UTP25: variants seen among roughly 807,000 people sequenced by gnomAD.
UTP25 encodes UTP25 small subunit processome component, also known as U3 small nucleolar RNA-associated protein 25 homolog.
In UTP25, 50 loss-of-function variants were observed where a neutral mutation model predicts 78.9. The ratio of observed to expected loss-of-function variants is 0.63; its 90% CI spans 0.50 to 0.80. UTP25 has a LOEUF of 0.80. UTP25 is among the 30% of genes least tolerant of loss of function. The pLI is 0.00. For synonymous variants in UTP25, 329 were observed against 336.5 expected (o/e 0.98, Z 0.24); for missense variants, 846 against 911.3 (o/e 0.93, Z 0.92).
At chr1:209,828,228 C>G in intron 1 of UTP25, 58 bp downstream of exon 1, 1 of 1,324,930 alleles carries the variant, frequency 7.5e-7, no homozygotes, top group African/African-American at 1.4e-5. Flanking sequence ...CGAGTTTGGT[C>G]CTCTGGTCTC....
intron 3 of UTP25, among the ~76,000 whole-genome samples, chr1:209,832,069 AT>A (rs1285112087): frequency 6.6e-6 from 1 of 151,730 alleles, no homozygotes; most frequent in East Asian, 1.9e-4. Context: ...ATAAAAATTC[AT>A]TGACTTACAC....
chr1:209,843,479 C>T lies in UTP25; in HGVS notation c.1810C>T (p.Pro604Ser). ...RFNFFVNKIL[P>S]QYRDAVMSHT... ...TAACTTTTTTGTGAACAAGATTTTG[C>T]CACAGTATCGTGATGCAGTCATGTC... The change falls in exon 11 of 12, where the codon CCA becomes TCA. Residue 604 changes from proline (P) to serine (S), a missense_variant. Transcript: ENST00000491415. 2 of 1,614,038 alleles carry T rather than the reference C, an allele frequency of 1.2e-6. No homozygotes were observed. Among genetic ancestry groups the T allele is most frequent in the Non-Finnish European group, 1.7e-6 (2 of 1,179,950 alleles).
At position 209,857,031 on chromosome 1, in the gene UTP25, C is replaced by T. The variant is rs1472549252; in HGVS notation, c.*5584C>T. ...AGGAAATAAGTCAGAATCCCCAATT[C>T]GATAGAAACTTACAGGTCTTGTGAT... On this transcript the variant is annotated 3_prime_UTR_variant, in exon 12 of 12. Coordinates refer to ENST00000491415, the MANE Select transcript of UTP25 (RefSeq NM_014388.7). 1.3e-5 allele frequency: 2 copies of T among 152,140 alleles called. No homozygotes were observed. Among genetic ancestry groups the T allele is most frequent in the Admixed American group, 6.5e-5 (1 of 15,276 alleles). The allele number at this position is 152,140 out of a possible 1,614,324, so 9.4% of individuals were successfully genotyped here.
chr1:209,833,702 T>C (rs1572000780), intron 4 of UTP25, among the ~76,000 whole-genome samples: 1 of 152,052 alleles, frequency 6.6e-6, no homozygotes, highest in East Asian at 1.9e-4. Context: ...TCACTTGCTG[T>C]TCCTTTTTGG....
rs953260218 is a variant in UTP25, at chr1:209,856,812, A to G, written c.*5365A>G. The G allele has an allele frequency of 1.3e-5, 2 of 152,250 alleles. No individual in the cohort carries two copies. The highest frequency in any genetic ancestry group is 2.9e-5 in the Non-Finnish European group (2 of 68,048). The allele number at this position is 152,250 out of a possible 1,614,324, so 9.4% of individuals were successfully genotyped here. On this transcript the variant is annotated 3_prime_UTR_variant, in exon 12 of 12. Transcript: ENST00000491415. ...GAGTGGGCACTCACATGTCTCTGCTAGCAGTTCTGACGTGTCCATTCCACA... is the reference window on the plus strand; with the variant it reads ...GAGTGGGCACTCACATGTCTCTGCTGGCAGTTCTGACGTGTCCATTCCACA...
rs2102574162 is a variant in UTP25, at chr1:209,839,013, A to G, written c.1167A>G (p.Lys389=). 3 of 1,614,124 alleles carry G rather than the reference A, an allele frequency of 1.9e-6. No individual in the cohort carries two copies. The highest frequency in any genetic ancestry group is 2.5e-6 in the Non-Finnish European group (3 of 1,179,984). Residue 389 remains lysine, a synonymous_variant, in exon 7 of 12, where the codon AAA becomes AAG. Coordinates refer to ENST00000491415, the MANE Select transcript of UTP25 (RefSeq NM_014388.7). ...DSKKKIIVSN[K]KRFQGEYGSD... ...AGAAGAAAATCATTGTGAGCAACAA[A>G]AAGAGGTTTCAGGGAGAATATGGAT...
chr1:209,851,546 A>T lies in UTP25; in HGVS notation c.*99A>T. ...GATTACTTACAGAAGAAGGACTGAT[A>T]CAAAGAAAGTGCATGAGGCAATGTC... On this transcript the variant is annotated 3_prime_UTR_variant, in exon 12 of 12. Coordinates refer to ENST00000491415, the MANE Select transcript of UTP25 (RefSeq NM_014388.7). The T allele has an allele frequency of 7.0e-7, 1 of 1,437,390 alleles. No homozygotes were observed. The highest frequency in any genetic ancestry group is 9.3e-7 in the Non-Finnish European group (1 of 1,071,126). 89.0% of individuals were successfully genotyped at this position (1,437,390 alleles called of 1,614,324 possible).
chr1:209,836,473 G>A (rs1395142232), intron 5 of UTP25, among the ~76,000 whole-genome samples: 1 of 152,200 alleles, frequency 6.6e-6, no homozygotes, highest in African/African-American at 2.4e-5. Context: ...TTTCTAGAAT[G>A]AATGTTGACT....
Position 209,843,326 on chromosome 1 carries a change from T to G in UTP25, c.1782-125T>G. On this transcript the variant is annotated intron_variant, in intron 10 of 11. Coordinates refer to ENST00000491415, the MANE Select transcript of UTP25 (RefSeq NM_014388.7). ...CATAATCTCTTTGAGAGGAGGTAAA[T>G]CATATTGGCCTCTGGGGAGGTAATC... is the stretch of plus-strand genomic sequence containing the variant. The G allele has an allele frequency of 4.3e-6, 5 of 1,154,316 alleles. No homozygotes were observed. In the South Asian group the frequency reaches 8.0e-5, roughly 18 times the overall value. 71.5% of individuals were successfully genotyped at this position (1,154,316 alleles called of 1,614,324 possible).
intron 5 of UTP25, among the ~76,000 whole-genome samples, chr1:209,835,376 T>C (rs895094661): frequency 2.0e-5 from 3 of 152,166 alleles, no homozygotes; most frequent in East Asian, 3.8e-4. Context: ...TGCCAGATAA[T>C]ATAATGATGG....
intron 11 of UTP25, among the ~76,000 whole-genome samples, chr1:209,845,863 C>G (rs1432757820): frequency 9.0e-6 from 1 of 111,500 alleles, no homozygotes; most frequent in South Asian, 2.7e-4. Flanking sequence ...TTTTCTTTTT[C>G]TTTTTTTTTT....
chr1:209,831,283 T>C (rs577235524), intron 3 of UTP25, among the ~76,000 whole-genome samples: 4 of 152,220 alleles, frequency 2.6e-5, no homozygotes, highest in African/African-American at 9.6e-5. Flanking sequence ...TCAGTACTAG[T>C]GAAAGACCTC....
rs763324038 is a variant in UTP25, at chr1:209,840,960, GAGA to G, written c.1397_1399del (p.Lys466del). ...GAGGACCATCATTGGTGGAGAAGGA[GAGA>G]AGAAGAGAGATTTTGACTTTCTGTC... is the stretch of plus-strand genomic sequence containing the variant. On this transcript the variant is annotated inframe_deletion, in exon 8 of 12. Coordinates refer to ENST00000491415, the MANE Select transcript of UTP25 (RefSeq NM_014388.7). The G allele has an allele frequency of 3.7e-6, 6 of 1,614,078 alleles. No individual in the cohort carries two copies. In the African/African-American group the frequency reaches 4.0e-5, roughly 11 times the overall value.
chr1:209,828,459 G>C (rs1414944336), intron 1 of UTP25, among the ~76,000 whole-genome samples: 1 of 149,572 alleles, frequency 6.7e-6, no homozygotes, highest in Non-Finnish European at 1.5e-5. Flanking sequence ...GAGTGCAATG[G>C]CGCGATCTTG....
intron 8 of UTP25, 112 bp downstream of exon 8, chr1:209,841,167 G>C: frequency 8.8e-7 from 1 of 1,135,192 alleles, no homozygotes; most frequent in South Asian, 1.5e-5. Context: ...ACTCTTGTTT[G>C]GAAGCAAGGA....
Position 209,842,348 on chromosome 1 carries a change from T to G in UTP25, c.1569T>G (p.Asn523Lys). The G allele has an allele frequency of 1.2e-6, 2 of 1,614,150 alleles. No individual in the cohort carries two copies. The highest frequency in any genetic ancestry group is 1.7e-6 in the Non-Finnish European group (2 of 1,179,988). ...GAGTGCGGATGTGGAGCCTCAATAA[T>G]TGGTCCAAGTACTATCGCCAGACAC... ...FSRVRMWSLNNWSKYYRQTLL... is the reference protein window; with the variant it reads ...FSRVRMWSLNKWSKYYRQTLL... Residue 523 changes from asparagine to lysine, a missense_variant, in exon 9 of 12, where the codon AAT becomes AAG. Coordinates refer to ENST00000491415, the MANE Select transcript of UTP25 (RefSeq NM_014388.7).
intron 6 of UTP25, among the ~76,000 whole-genome samples, chr1:209,838,224 G>A (rs1352959490): frequency 4.1e-4 from 62 of 152,126 alleles, no homozygotes; most frequent in Admixed American, 6.5e-5. Flanking sequence ...GATTTAACTG[G>A]GGTTATGTCC....
At chr1:209,837,328 A>G (rs567574510) in intron 6 of UTP25, 117 bp downstream of exon 6, 2 of 1,209,672 alleles carry the variant, frequency 1.7e-6, no homozygotes, top group South Asian at 3.1e-5. Flanking sequence ...ATAATGAATG[A>G]GCCCAAATGT....
Position 209,833,287 on chromosome 1 carries a change from C to T in UTP25, c.491C>T (p.Ser164Leu). The change falls in exon 4 of 12, where the codon TCA becomes TTA. Residue 164 changes from serine to leucine, a missense_variant. Coordinates refer to ENST00000491415, the MANE Select transcript of UTP25 (RefSeq NM_014388.7). ...PEEFTDAKHE[S>L]LFSLETNFLE... ...GAGTTCACAGATGCAAAACACGAGT[C>T]ACTGTTCAGCCTGGAAACCAATTTT... 2.5e-6 allele frequency: 4 copies of T among 1,601,628 alleles called. No homozygotes were observed. In the South Asian group the frequency reaches 4.6e-5, roughly 18 times the overall value.
Sources: gnomAD v4.1 joint callset for allele counts (sites outside exome capture counted in the v4.1 genomes callset) on GRCh38, gnomAD v4.1.1 for gene constraint, MANE v1.5 for transcripts, NCBI Gene and HGNC (gene_info 2026-07-23, HGNC 2026-07-21) for gene names.